Variants in ZNF532 observed in about 807,000 individuals in gnomAD.
The protein encoded by ZNF532 is zinc finger protein 532.
In ZNF532, 22 loss-of-function variants were observed where a neutral mutation model predicts 89.3. The ratio of observed to expected loss-of-function variants is 0.25; its 90% CI spans 0.18 to 0.35. ZNF532 has a LOEUF of 0.35. ZNF532 is among the 10% of genes least tolerant of loss of function. ZNF532 has a pLI of 1.00. For synonymous variants in ZNF532, 606 were observed against 649.6 expected, an observed-to-expected ratio of 0.93 and a Z score of 1.02; for missense variants, 1,132 against 1,643.4, an observed-to-expected ratio of 0.69 and a Z score of 5.38.
intron 3 of ZNF532, among the ~76,000 whole-genome samples, chr18:58,933,539 C>T (rs980317086): frequency 3.3e-5 from 5 of 152,018 alleles, no homozygotes; most frequent in African/African-American, 7.2e-5. Flanking sequence ...TGTGTTTGCA[C>T]GAATGTCTGA....
At chr18:58,889,614 A>G (rs12458608) in intron 2 of ZNF532, among the ~76,000 whole-genome samples, 33,989 of 151,384 alleles carry the variant, frequency 0.22, 4,393 homozygotes, top group Middle Eastern at 0.42. Context: ...AGCCTGGCCA[A>G]TATGGTGAAA....
intron 9 of ZNF532, among the ~76,000 whole-genome samples, chr18:58,983,503 G>A (rs2068074361): frequency 6.6e-6 from 1 of 152,028 alleles, no homozygotes; most frequent in African/African-American, 2.4e-5. Context: ...CCTATGCCTG[G>A]ACTGCTTTCC....
intron 2 of ZNF532, among the ~76,000 whole-genome samples, chr18:58,899,038 C>T (rs1243494661): frequency 6.6e-6 from 1 of 152,252 alleles, no homozygotes; most frequent in Non-Finnish European, 1.5e-5. Flanking sequence ...TGTCTGGAAG[C>T]ACAGGTGCTG....
At chr18:58,979,912 C>G (rs2067536779) in intron 8 of ZNF532, 1 of 152,272 alleles carries the variant, frequency 6.6e-6, no homozygotes, top group Non-Finnish European at 1.5e-5. Flanking sequence ...AACCCAGACT[C>G]CAGTGGACAG....
At chr18:58,975,023 T>C (rs2066885632) in intron 7 of ZNF532, among the ~76,000 whole-genome samples, 1 of 152,206 alleles carries the variant, frequency 6.6e-6, no homozygotes. Context: ...AGCACCGATG[T>C]TGCATTACAG....
At chr18:58,882,054 C>T (rs1353335075) in intron 2 of ZNF532, among the ~76,000 whole-genome samples, 4 of 152,112 alleles carry the variant, frequency 2.6e-5, no homozygotes, top group Non-Finnish European at 5.9e-5. Context: ...GCCTCCCGGG[C>T]TCAGGTGATC....
chr18:58,953,874 C>A, intron 7 of ZNF532, 75 bp downstream of exon 7: 1 of 1,521,740 alleles, frequency 6.6e-7, no homozygotes, highest in Non-Finnish European at 8.8e-7. Flanking sequence ...AAGATGTGGG[C>A]TCTTGGCTTG....
At chr18:58,977,858 A>G (rs985845968) in intron 7 of ZNF532, among the ~76,000 whole-genome samples, 1 of 152,182 alleles carries the variant, frequency 6.6e-6, no homozygotes, top group Admixed American at 6.5e-5. Flanking sequence ...AAAAAAATGT[A>G]ATCAATCATT....
chr18:58,938,202 C>T (rs533581807), intron 4 of ZNF532, among the ~76,000 whole-genome samples: 1 of 152,188 alleles, frequency 6.6e-6, no homozygotes, highest in Non-Finnish European at 1.5e-5. Context: ...TCTTCCTTCC[C>T]TGGGTAGCTC....
At chr18:58,864,169 C>T (rs1200028962), upstream of ZNF532, 1 of 152,524 alleles carries the variant, frequency 6.6e-6, no homozygotes, top group Non-Finnish European at 1.5e-5. Context: ...CCCAGACAGC[C>T]CCAGTTTTCT....
intron 3 of ZNF532, among the ~76,000 whole-genome samples, chr18:58,925,702 C>A (rs570606270): frequency 6.6e-6 from 1 of 152,270 alleles, no homozygotes; most frequent in South Asian, 2.1e-4. Context: ...TAAACATTTT[C>A]TTCTGTGTTT....
chr18:58,983,036 C>T (rs568820184), intron 9 of ZNF532, among the ~76,000 whole-genome samples: 35 of 152,224 alleles, frequency 2.3e-4, no homozygotes, highest in East Asian at 7.7e-4. Flanking sequence ...CGCTTGAACC[C>T]GGGAGGCCGA....
intron 8 of ZNF532, 163 bp from the exon 9 acceptor site, chr18:58,981,307 C>G (rs1174843129): frequency 2.4e-6 from 2 of 849,522 alleles, no homozygotes; most frequent in East Asian, 4.9e-5. Context: ...TTAAGGGCCA[C>G]TCCTAGCAAA....
At chr18:58,936,828 C>T (rs1340595150) in intron 4 of ZNF532, among the ~76,000 whole-genome samples, 3 of 152,130 alleles carry the variant, frequency 2.0e-5, no homozygotes, top group African/African-American at 7.2e-5. Flanking sequence ...CTTAGTAGCC[C>T]CGTGGCCTTG....
Position 58,941,070 on chromosome 18 carries a change from AC to A in ZNF532, c.2705+1450del, listed in dbSNP as rs537906541. 6.7e-4 allele frequency among the ~76,000 whole-genome samples: 102 copies of A among 152,042 alleles called. 1 individual carries two copies. In the East Asian group the frequency reaches 0.016, roughly 24 times the overall value. ...AGTGACTGTTTTATCAAAAAAAAAA[AC>A]ATGTTGAAGTTAAATTTTATTTTAG... On this transcript the variant is annotated intron_variant, in intron 5 of 9. Coordinates refer to ENST00000591808, the MANE Select transcript of ZNF532 (RefSeq NM_001375912.1).
chr18:58,897,900 C>A (rs190965163), intron 2 of ZNF532, among the ~76,000 whole-genome samples: 61 of 152,186 alleles, frequency 4.0e-4, no homozygotes, highest in Non-Finnish European at 6.8e-4. Flanking sequence ...TGCAGTGAGC[C>A]GAGACCATGC....
At chr18:58,870,516 G>A (rs2056891718) in intron 2 of ZNF532, among the ~76,000 whole-genome samples, 1 of 152,140 alleles carries the variant, frequency 6.6e-6, no homozygotes, top group African/African-American at 2.4e-5. Context: ...GCAGTTGAGG[G>A]TCACCTGATG....
chr18:58,913,663 A>G (rs1294044129), intron 2 of ZNF532, among the ~76,000 whole-genome samples: 4 of 152,268 alleles, frequency 2.6e-5, no homozygotes, highest in African/African-American at 7.2e-5. Flanking sequence ...AAAAGATACA[A>G]TGAAGGGTCT....
At chr18:58,888,775 A>T (rs2058565782) in intron 2 of ZNF532, among the ~76,000 whole-genome samples, 2 of 55,736 alleles carry the variant, frequency 3.6e-5, no homozygotes, top group South Asian at 5.9e-4. Flanking sequence ...TATATAATTT[A>T]TATATATATA....
Sources: gnomAD v4.1 joint callset for allele counts (sites outside exome capture counted in the v4.1 genomes callset) on GRCh38, gnomAD v4.1.1 for gene constraint, MANE v1.5 for transcripts, NCBI Gene and HGNC (gene_info 2026-07-23, HGNC 2026-07-21) for gene names.